CCDC85A: variants seen among roughly 807,000 people sequenced by gnomAD.
CCDC85A encodes the protein coiled-coil domain containing 85A, also known as coiled-coil domain-containing protein 85A.
In CCDC85A, 38 loss-of-function variants were observed where a neutral mutation model predicts 50.2. That is an observed-to-expected ratio of 0.76 (90% CI 0.58 to 0.99). The LOEUF (loss-of-function observed/expected upper bound fraction) is 0.99. Ranked by LOEUF, CCDC85A falls within the 50% of genes least tolerant of loss-of-function variation. The probability of loss-of-function intolerance (pLI) is 0.00; values close to 1 mark genes in which losing one functional copy is unlikely to be tolerated. For synonymous variants in CCDC85A, 366 were observed against 301.4 expected, an observed-to-expected ratio of 1.21 and a Z score of -2.22; for missense variants, 820 against 742.0, an observed-to-expected ratio of 1.11 and a Z score of -1.22.
intron 2 of CCDC85A, among the ~76,000 whole-genome samples, chr2:56,270,356 G>A (rs1271118419): frequency 6.6e-6 from 1 of 152,102 alleles, no homozygotes; most frequent in Non-Finnish European, 1.5e-5. Flanking sequence ...TTTAAATGAA[G>A]AATCCTGGAT....
intron 2 of CCDC85A, among the ~76,000 whole-genome samples, chr2:56,258,275 A>C (rs932630168): frequency 6.6e-6 from 1 of 152,206 alleles, no homozygotes. Context: ...TTGGAAAAGG[A>C]GGGTACTGGA....
chr2:56,359,144 A>C (rs547534389), intron 3 of CCDC85A, among the ~76,000 whole-genome samples: 4 of 151,962 alleles, frequency 2.6e-5, no homozygotes, highest in Admixed American at 6.6e-5. Context: ...AATATTTGCT[A>C]CTTATTTTTG....
intron 2 of CCDC85A, among the ~76,000 whole-genome samples, chr2:56,265,312 T>A (rs558484782): frequency 2.6e-5 from 4 of 152,364 alleles, no homozygotes; most frequent in African/African-American, 9.6e-5. Context: ...GTTCTGCCTG[T>A]GTTCTTAACA....
chr2:56,309,185 T>C (rs1186814155), intron 2 of CCDC85A, among the ~76,000 whole-genome samples: 1 of 152,194 alleles, frequency 6.6e-6, no homozygotes, highest in Non-Finnish European at 1.5e-5. Context: ...GAGTAAAATT[T>C]CAGAGTTGTA....
intron 3 of CCDC85A, among the ~76,000 whole-genome samples, chr2:56,363,149 A>T (rs1675621339): frequency 6.6e-6 from 1 of 152,160 alleles, no homozygotes; most frequent in Non-Finnish European, 1.5e-5. Flanking sequence ...ACATATTTTT[A>T]AAATCTCTTT....
At chr2:56,302,374 G>A (rs550821945) in intron 2 of CCDC85A, among the ~76,000 whole-genome samples, 3 of 152,290 alleles carry the variant, frequency 2.0e-5, no homozygotes, top group Non-Finnish European at 2.9e-5. Context: ...TGGGTAAGAT[G>A]AATCAAGCTG....
At chr2:56,275,364 A>T (rs997064555) in intron 2 of CCDC85A, among the ~76,000 whole-genome samples, 1 of 152,214 alleles carries the variant, frequency 6.6e-6, no homozygotes, top group South Asian at 2.1e-4. Flanking sequence ...GGAGTACAGT[A>T]GCTCAGTATA....
intron 2 of CCDC85A, among the ~76,000 whole-genome samples, chr2:56,196,349 C>G (rs1676518669): frequency 6.6e-6 from 1 of 152,220 alleles, no homozygotes; most frequent in Non-Finnish European, 1.5e-5. Context: ...CTTACCACAT[C>G]TAGGCATTCA....
chr2:56,240,150 C>G (rs78391214), intron 2 of CCDC85A, among the ~76,000 whole-genome samples: 78 of 152,252 alleles, frequency 5.1e-4, no homozygotes, highest in African/African-American at 1.8e-3. Context: ...AGACATCATA[C>G]CTATTAGTAG....
chr2:56,239,077 C>T (rs988075412), intron 2 of CCDC85A, among the ~76,000 whole-genome samples: 2 of 151,980 alleles, frequency 1.3e-5, no homozygotes, highest in African/African-American at 4.8e-5. Context: ...GACAGGTTTC[C>T]TCTCCCAAGT....
At chr2:56,202,647 G>A (rs1676792840) in intron 2 of CCDC85A, among the ~76,000 whole-genome samples, 1 of 152,212 alleles carries the variant, frequency 6.6e-6, no homozygotes, top group Admixed American at 6.5e-5. Context: ...AACTAATTAA[G>A]CCAGTTATTC....
intron 1 of CCDC85A, among the ~76,000 whole-genome samples, chr2:56,190,555 G>T (rs1676251501): frequency 6.6e-6 from 1 of 152,160 alleles, no homozygotes; most frequent in Non-Finnish European, 1.5e-5. Context: ...ATAGATTGGG[G>T]GTGGACCTTC....
At chr2:56,201,875 A>G (rs1382618299) in intron 2 of CCDC85A, among the ~76,000 whole-genome samples, 1 of 152,108 alleles carries the variant, frequency 6.6e-6, no homozygotes, top group African/African-American at 2.4e-5. Flanking sequence ...TAGAGCTGTG[A>G]CGTACTCAAC....
At chr2:56,349,241 A>C (rs1479388955) in intron 3 of CCDC85A, among the ~76,000 whole-genome samples, 4 of 152,226 alleles carry the variant, frequency 2.6e-5, no homozygotes, top group African/African-American at 9.6e-5. Context: ...GGACTCTACC[A>C]AATGAATAGT....
chr2:56,258,887 T>C (rs746854516), intron 2 of CCDC85A, among the ~76,000 whole-genome samples: 2 of 152,180 alleles, frequency 1.3e-5, no homozygotes, highest in Non-Finnish European at 2.9e-5. Flanking sequence ...CTGTAAAATA[T>C]GGAATGAAGT....
At chr2:56,252,416 C>G (rs1043975458) in intron 2 of CCDC85A, among the ~76,000 whole-genome samples, 2 of 152,120 alleles carry the variant, frequency 1.3e-5, no homozygotes, top group African/African-American at 4.8e-5. Flanking sequence ...ACTCAGCCTG[C>G]TTCTGTGGAG....
At chr2:56,347,238 G>T (rs1674674882) in intron 3 of CCDC85A, among the ~76,000 whole-genome samples, 1 of 152,186 alleles carries the variant, frequency 6.6e-6, no homozygotes, top group Admixed American at 6.5e-5. Flanking sequence ...GGTGTATTGG[G>T]TTCACAGAGG....
At chr2:56,185,173 G>A (rs72914757) in intron 1 of CCDC85A, among the ~76,000 whole-genome samples, 5,291 of 152,284 alleles carry the variant, frequency 0.035, 295 homozygotes, top group African/African-American at 0.12. Context: ...GAGGTGAAGG[G>A]CACGCGAACC....
At chr2:56,312,135 TG>T (rs931363792) in intron 2 of CCDC85A, among the ~76,000 whole-genome samples, 4 of 152,092 alleles carry the variant, frequency 2.6e-5, no homozygotes, top group Admixed American at 2.0e-4. Context: ...ACTGAGTGAA[TG>T]GTAACTTGCA....
Sources: allele counts gnomAD v4.1 joint callset (sites outside exome capture counted in the v4.1 genomes callset), GRCh38; gene constraint gnomAD v4.1.1; transcripts MANE v1.5; gene names NCBI Gene and HGNC (gene_info 2026-07-23, HGNC 2026-07-21).